The following ZBED6 variants were observed in gnomAD, a reference collection of about 807,000 sequenced individuals.
ZBED6 encodes the protein zinc finger BED-type containing 6, also known as zinc finger BED domain-containing protein 6.
A neutral mutation model predicts 58.4 loss-of-function variants in ZBED6; 40 were observed. That is an observed-to-expected ratio of 0.68 (90% CI 0.53 to 0.89). ZBED6 has a LOEUF of 0.89. Ranked by LOEUF, ZBED6 falls within the 40% of genes least tolerant of loss-of-function variation. The pLI, the probability that ZBED6 is intolerant of heterozygous loss-of-function variation, is 0.00. For missense variants in ZBED6, 1,057 were observed against 1,003.9 expected, an observed-to-expected ratio of 1.05 and a Z score of -0.71; for synonymous variants, 439 against 350.6, an observed-to-expected ratio of 1.25 and a Z score of -2.82.
exon 1 of ZBED6, chr1:203,799,981 C>T (rs1271165193): frequency 5.2e-6 from 8 of 1,536,064 alleles, no homozygotes; most frequent in Non-Finnish European, 7.0e-6. Flanking sequence ...GCTTCTTGTC[C>T]CTCAGTTACA....
At chr1:203,816,817 G>C in intron 1 of ZBED6, 109 bp from the exon 2 acceptor site, 1 of 413,846 alleles carries the variant, frequency 2.4e-6, no homozygotes, top group East Asian at 4.1e-5. Context: ...GTATAAGCAA[G>C]GTCGTATTAA....
exon 1 of ZBED6, chr1:203,802,626 T>G (rs977050240): frequency 6.7e-6 from 1 of 149,678 alleles, no homozygotes; most frequent in Non-Finnish European, 1.5e-5. Flanking sequence ...TGTTTTTTTG[T>G]TTTTTTTTTA....
chr1:203,800,848 A>C (rs944051263), exon 1 of ZBED6: 2 of 156,124 alleles, frequency 1.3e-5, no homozygotes, highest in African/African-American at 4.8e-5. Context: ...AAAAAAGTAC[A>C]CTGGCTGGCA....
intron 11 of ZBED6, among the ~76,000 whole-genome samples, chr1:203,842,292 A>G (rs1400660648): frequency 1.3e-5 from 2 of 152,128 alleles, no homozygotes; most frequent in African/African-American, 2.4e-5. Flanking sequence ...ACGCCACTGC[A>G]CTCCAGCCTG....
intron 3 of ZBED6, among the ~76,000 whole-genome samples, chr1:203,820,155 A>T (rs967416915): frequency 6.6e-6 from 1 of 151,640 alleles, no homozygotes; most frequent in Non-Finnish European, 1.5e-5. Flanking sequence ...GAATCGCTTG[A>T]ACCTGGGAGG....
At chr1:203,829,785 T>G in exon 6 of ZBED6, 1 of 1,613,994 alleles carries the variant, frequency 6.2e-7, no homozygotes, top group Non-Finnish European at 8.5e-7. Flanking sequence ...TATAGATCAG[T>G]TTTCTGAGGA....
At chr1:203,810,297 A>G (rs897848554) in intron 1 of ZBED6, among the ~76,000 whole-genome samples, 63 of 152,104 alleles carry the variant, frequency 4.1e-4, no homozygotes, top group African/African-American at 1.4e-3. Flanking sequence ...TTGAATGGCA[A>G]TTATATTTGT....
At chr1:203,806,830 C>CTTTTTTTTTTTTTT (rs373591619) in intron 1 of ZBED6, among the ~76,000 whole-genome samples, 2 of 117,852 alleles carry the variant, frequency 1.7e-5, no homozygotes, top group African/African-American at 3.2e-5. Context: ...CCTCAGGTTC[C>CTTTTTTTTTTTTTT]TTTTTTTTTT....
At chr1:203,799,349 C>T (rs998445491) in exon 1 of ZBED6, 20 of 704,846 alleles carry the variant, frequency 2.8e-5, no homozygotes, top group Non-Finnish European at 4.1e-5. Context: ...TAGTGGCTGC[C>T]AGGAAAACTT....
chr1:203,799,295 C>A (rs917322820), exon 1 of ZBED6: 2 of 718,912 alleles, frequency 2.8e-6, no homozygotes, highest in Non-Finnish European at 5.0e-6. Context: ...TAAATATGGT[C>A]ATTCAGGACT....
At chr1:203,809,153 G>A (rs1175638193) in intron 1 of ZBED6, among the ~76,000 whole-genome samples, 2 of 141,482 alleles carry the variant, frequency 1.4e-5, no homozygotes, top group South Asian at 2.3e-4. Context: ...TATTTTTGAA[G>A]CTTTGTTTTC....
chr1:203,848,372 G>T, exon 13 of ZBED6: 1 of 1,613,328 alleles, frequency 6.2e-7, no homozygotes, highest in South Asian at 1.1e-5. Context: ...AAATGAAGTT[G>T]ATTCTCAGAG....
intron 1 of ZBED6, among the ~76,000 whole-genome samples, chr1:203,811,681 TGTATTTTCA>T (rs1257345905): frequency 6.6e-6 from 1 of 152,236 alleles, no homozygotes; most frequent in Non-Finnish European, 1.5e-5. Flanking sequence ...GCTAATTTTT[TGTATTTTCA>T]GTAGAGATGG....
Position 203,833,686 on chromosome 1 carries a change from T to G in ZBED6, c.*3511-105T>G, listed in dbSNP as rs1167912632. The G allele has an allele frequency of 5.2e-6, 4 of 768,808 alleles. No homozygotes were observed. In the Admixed American group the frequency reaches 1.4e-4, roughly 26 times the overall value. The allele number at this position is 768,808 out of a possible 1,614,324, so 47.6% of individuals were successfully genotyped here. ...GAGACCTGATTTTCAAGAGACTTTC[T>G]GGGTGGATTTACACTAATATCAGAA... On this transcript the variant is annotated intron_variant, in intron 8 of 16. Transcript: ENST00000550078.
chr1:203,825,099 AATAG>A (rs939791390), intron 3 of ZBED6, among the ~76,000 whole-genome samples: 2 of 151,740 alleles, frequency 1.3e-5, no homozygotes, highest in African/African-American at 4.8e-5. Context: ...AAAAAAAGAA[AATAG>A]ATGTTAGATA....
At chr1:203,824,601 C>T (rs1213529692) in intron 3 of ZBED6, among the ~76,000 whole-genome samples, 1 of 152,078 alleles carries the variant, frequency 6.6e-6, no homozygotes, top group African/African-American at 2.4e-5. Context: ...AGTCACATTT[C>T]CAGGTGAGGC....
chr1:203,850,950 GC>G, intron 15 of ZBED6, 106 bp from the exon 16 acceptor site: 6 of 1,351,796 alleles, frequency 4.4e-6, no homozygotes, highest in Non-Finnish European at 6.2e-6. Flanking sequence ...AGATTCACAG[GC>G]TTAAAGAATC....
intron 8 of ZBED6, among the ~76,000 whole-genome samples, chr1:203,833,574 C>G (rs2103074780): frequency 7.0e-6 from 1 of 143,286 alleles, no homozygotes; most frequent in Non-Finnish European, 1.5e-5. Flanking sequence ...GCTATTGCTT[C>G]TGTTTAGGCT....
At chr1:203,813,375 T>G (rs890963792) in intron 1 of ZBED6, among the ~76,000 whole-genome samples, 33 of 152,158 alleles carry the variant, frequency 2.2e-4, no homozygotes, top group Non-Finnish European at 3.7e-4. Context: ...CCTGGCTAAA[T>G]TTTAATGGTT....
Sources: allele counts gnomAD v4.1 joint callset (sites outside exome capture counted in the v4.1 genomes callset), GRCh38; gene constraint gnomAD v4.1.1; transcripts MANE v1.5; gene names NCBI Gene and HGNC (gene_info 2026-07-23, HGNC 2026-07-21).